Variants in CASZ1 observed in about 807,000 individuals in gnomAD.
CASZ1 encodes the protein zinc finger protein castor homolog 1.
In CASZ1, 28 loss-of-function variants were observed where a neutral mutation model predicts 135.2. The ratio of observed to expected loss-of-function variants is 0.21; its 90% CI spans 0.15 to 0.28. The LOEUF is 0.28. Among genes scored for constraint, CASZ1 ranks in the 10% least tolerant of loss-of-function variants. The probability of loss-of-function intolerance (pLI) is 1.00; values close to 1 mark genes in which losing one functional copy is unlikely to be tolerated. For missense variants in CASZ1, 2,161 were observed against 2,453.3 expected (o/e 0.88, Z 2.52); for synonymous variants, 1,068 against 1,073.4 (o/e 0.99, Z 0.10).
At chr1:10,710,007 G>A (rs1301062220) in intron 2 of CASZ1, among the ~76,000 whole-genome samples, 1 of 152,230 alleles carries the variant, frequency 6.6e-6, no homozygotes, top group South Asian at 2.1e-4. Flanking sequence ...TCCAGGCACA[G>A]TCTTGGTTGG....
chr1:10,705,683 AG>A (rs1243278832), intron 2 of CASZ1, 139 bp from the exon 3 acceptor site: 1 of 152,312 alleles, frequency 6.6e-6, no homozygotes, highest in East Asian at 1.9e-4. Flanking sequence ...GCCAGCCAAG[AG>A]GGCCAGAAAC....
intron 1 of CASZ1, among the ~76,000 whole-genome samples, chr1:10,782,076 G>C (rs1640772678): frequency 6.6e-6 from 1 of 152,234 alleles, no homozygotes; most frequent in Admixed American, 6.5e-5. Flanking sequence ...GGGCATCGCT[G>C]TGCCTCTTGC....
At chr1:10,682,468 C>G (rs1275020067) in intron 4 of CASZ1, among the ~76,000 whole-genome samples, 1 of 151,842 alleles carries the variant, frequency 6.6e-6, no homozygotes, top group Non-Finnish European at 1.5e-5. Context: ...CAGTGGATAC[C>G]GAGAGGGGAA....
intron 4 of CASZ1, among the ~76,000 whole-genome samples, chr1:10,684,114 T>C (rs1163091023): frequency 1.3e-5 from 2 of 149,994 alleles, no homozygotes; most frequent in African/African-American, 2.5e-5. Context: ...AGGGAACTGA[T>C]GAGGAGAGAT....
intron 2 of CASZ1, among the ~76,000 whole-genome samples, chr1:10,740,111 A>G (rs1348413931): frequency 6.6e-6 from 1 of 151,876 alleles, no homozygotes; most frequent in East Asian, 1.9e-4. Flanking sequence ...TAGTTCACTC[A>G]CTCCTCTCTG....
Position 10,686,574 on chromosome 1 carries a change from C to T in CASZ1, c.16+7300G>A, listed in dbSNP as rs183511907. The stretch of plus-strand genomic sequence containing the variant: ...GGCGGGTAGGGTGTCACCTGGGCTT[C>T]CCCCCAGGCCGTCTCAGCTCACTGC... On this transcript the variant is annotated intron_variant, in intron 4 of 20. Coordinates refer to ENST00000377022, the MANE Select transcript of CASZ1 (RefSeq NM_001079843.3). 3.3e-4 allele frequency among the ~76,000 whole-genome samples: 50 copies of T among 152,308 alleles called. No homozygotes were observed. In the East Asian group the frequency reaches 7.5e-3, roughly 23 times the overall value.
rs758701928 is a variant in CASZ1, at chr1:10,654,562, C to T, written c.1695G>A (p.Thr565=). Residue 565 remains threonine (T), a synonymous_variant, in exon 10 of 21, where the codon ACG becomes ACA. Transcript: ENST00000377022. ...AGTTCTCGTGGGTCATCACGTCAGA[C>T]GTGCTCGTGTACACCTTGTTACAGC... ...QVGCNKVYTS[T]SDVMTHENFH... 8.7e-6 allele frequency: 14 copies of T among 1,614,098 alleles called. No homozygotes were observed. Among genetic ancestry groups the T allele is most frequent in the African/African-American group, 8.0e-5 (6 of 74,936 alleles).
Position 10,762,139 on chromosome 1 carries a change from G to A in CASZ1, c.-233-1282C>T, listed in dbSNP as rs1640390161. Among the ~76,000 whole-genome samples, 1 of 152,056 alleles carries A rather than the reference G, an allele frequency of 6.6e-6. No homozygotes were observed. The highest frequency in any genetic ancestry group is 6.5e-5 in the Admixed American group (1 of 15,272). ...TCCCAAGGTTGGACCTGAGTGCGAG[G>A]GGGAGTTGGCTCTTTGAAGGTGAGA... On this transcript the variant is annotated intron_variant, in intron 1 of 20. Transcript: ENST00000377022. The surrounding 1 kb of genome is among the most constrained non-coding windows in gnomAD (Gnocchi z 4.1).
Position 10,738,045 on chromosome 1 carries a change from G to A in CASZ1, c.-77+22656C>T, listed in dbSNP as rs61777970. ...CCGGTGGGGCAGCCCCAGACAGGAC[G>A]GCTGCAGGTCCCTCCTTCGTGGAGT... On this transcript the variant is annotated intron_variant, in intron 2 of 20. Coordinates refer to ENST00000377022, the MANE Select transcript of CASZ1 (RefSeq NM_001079843.3). Among the ~76,000 whole-genome samples, 697 of 152,326 alleles carry A rather than the reference G, an allele frequency of 4.6e-3. 10 individuals are homozygous for A. The highest frequency in any genetic ancestry group is 0.016 in the African/African-American group (659 of 41,574).
intron 2 of CASZ1, among the ~76,000 whole-genome samples, chr1:10,738,121 A>T (rs1490092720): frequency 6.6e-6 from 1 of 152,154 alleles, no homozygotes; most frequent in Non-Finnish European, 1.5e-5. Context: ...CAACTAATAA[A>T]TGACAACTAA....
Position 10,661,728 on chromosome 1 carries a change from C to T in CASZ1, c.506-1192G>A, listed in dbSNP as rs1355258263. 2.0e-5 allele frequency among the ~76,000 whole-genome samples: 3 copies of T among 151,344 alleles called. No homozygotes were observed. In the East Asian group the frequency reaches 5.9e-4, roughly 30 times the overall value. On this transcript the variant is annotated intron_variant, in intron 5 of 20. Coordinates refer to ENST00000377022, the MANE Select transcript of CASZ1 (RefSeq NM_001079843.3). Reference sequence around the variant, plus strand: ...ACCTACACAGTCACATGCACACACACACAAAACATACACATGCATTCTCAT... The same window carrying T: ...ACCTACACAGTCACATGCACACACATACAAAACATACACATGCATTCTCAT...
In CASZ1 at chr1:10,720,902, C is replaced by T. The variant is rs1263599107; in HGVS notation, c.-76-15358G>A. Reference sequence around the variant, plus strand: ...GGGCCCAGCCAAGGGCTCCAGGACACGAGGTGGACACCCGACCTCATGCCC... The same window carrying T: ...GGGCCCAGCCAAGGGCTCCAGGACATGAGGTGGACACCCGACCTCATGCCC... On this transcript the variant is annotated intron_variant, in intron 2 of 20. Coordinates refer to ENST00000377022, the MANE Select transcript of CASZ1 (RefSeq NM_001079843.3). This position sits in a 1 kb window ranked among gnomAD's most constrained non-coding sequence, Gnocchi z 5.7. 1.3e-5 allele frequency among the ~76,000 whole-genome samples: 2 copies of T among 152,172 alleles called. No individual in the cohort carries two copies. Among genetic ancestry groups the T allele is most frequent in the African/African-American group, 2.4e-5 (1 of 41,438 alleles).
chr1:10,781,333 C>G (rs1032822257), intron 1 of CASZ1, among the ~76,000 whole-genome samples: 1 of 152,228 alleles, frequency 6.6e-6, no homozygotes, highest in African/African-American at 2.4e-5. Context: ...GAACAGGTGC[C>G]AGGCTGCAAA....
chr1:10,703,064 C>A (rs1383127557), intron 3 of CASZ1, among the ~76,000 whole-genome samples: 2 of 151,182 alleles, frequency 1.3e-5, no homozygotes, highest in Admixed American at 1.3e-4. Context: ...AGAGAGGAGG[C>A]CTGGAGGGGA....
intron 3 of CASZ1, among the ~76,000 whole-genome samples, chr1:10,702,058 T>C (rs1639072929): frequency 6.6e-6 from 1 of 152,128 alleles, no homozygotes; most frequent in African/African-American, 2.4e-5. Flanking sequence ...AGATGGGAAA[T>C]AGAGACTCCG....
At chr1:10,667,554 C>T (rs1643273217) in intron 4 of CASZ1, among the ~76,000 whole-genome samples, 1 of 152,188 alleles carries the variant, frequency 6.6e-6, no homozygotes, top group Admixed American at 6.5e-5. Context: ...TCGGAGCTGC[C>T]CAGCAGGTTC....
chr1:10,643,298 G>A lies in CASZ1; in HGVS notation c.3882C>T (p.Asn1294=). 6.2e-7 allele frequency: 1 copy of A among 1,612,860 alleles called. No individual in the cohort carries two copies. The highest frequency in any genetic ancestry group is 1.3e-5 in the African/African-American group (1 of 75,044). ...EECGRLGCKY[N]QVNSHFHCIR... ...TGCAGTGGAAGTGGCTGTTCACCTGGTTGTACTTGCAACCTGTGGACACAG... is the reference window on the plus strand; with the variant it reads ...TGCAGTGGAAGTGGCTGTTCACCTGATTGTACTTGCAACCTGTGGACACAG... The change falls in exon 19 of 21, where the codon AAC becomes AAT. Residue 1294 remains asparagine (N), a synonymous_variant. Transcript: ENST00000377022.
chr1:10,651,587 G>C (rs1435512391), intron 11 of CASZ1: 4 of 152,508 alleles, frequency 2.6e-5, no homozygotes, highest in African/African-American at 9.6e-5. Flanking sequence ...GCCACACCGG[G>C]TGACCTCGCA....
intron 20 of CASZ1, among the ~76,000 whole-genome samples, chr1:10,640,817 C>T (rs1642180804): frequency 6.6e-6 from 1 of 152,168 alleles, no homozygotes; most frequent in Non-Finnish European, 1.5e-5. Context: ...TTATGTCCAG[C>T]TGGCCCAGAC....
Sources: gnomAD v4.1 joint callset for allele counts (sites outside exome capture counted in the v4.1 genomes callset) on GRCh38, gnomAD v4.1.1 for gene constraint, Gnocchi (gnomAD v3.1) non-coding constraint, MANE v1.5 for transcripts, NCBI Gene and HGNC (gene_info 2026-07-23, HGNC 2026-07-21) for gene names.